Variants in AUH observed in about 807,000 individuals in gnomAD.
The protein encoded by AUH is AU RNA binding methylglutaconyl-CoA hydratase.
A neutral mutation model predicts 42.3 loss-of-function variants in AUH; 29 were observed. The ratio of observed to expected loss-of-function variants is 0.69; its 90% CI spans 0.51 to 0.93. The LOEUF is 0.93. Ranked by LOEUF, AUH falls within the 40% of genes least tolerant of loss-of-function variation. AUH has a pLI of 0.00. For missense variants in AUH, 452 were observed against 438.1 expected (o/e 1.03, Z -0.28); for synonymous variants, 174 against 166.4 (o/e 1.05, Z -0.35).
intron 7 of AUH, chr9:91,218,591 C>T (rs536233307): frequency 1.0e-6 from 1 of 983,368 alleles, no homozygotes; most frequent in African/African-American, 1.7e-5. Flanking sequence ...ACAGACCACA[C>T]TTTGGGAAGT....
chr9:91,249,292 CAAAAAAAAAAAA>C (rs59102669), intron 6 of AUH, among the ~76,000 whole-genome samples: 203 of 32,540 alleles, frequency 6.2e-3, no homozygotes, highest in Middle Eastern at 0.02. Flanking sequence ...GAACCTGTCT[CAAAAAAAAAAAA>C]AAAAAAAAAA....
chr9:91,348,721 A>C (rs1352539067), intron 3 of AUH, among the ~76,000 whole-genome samples: 1 of 152,200 alleles, frequency 6.6e-6, no homozygotes, highest in African/African-American at 2.4e-5. Flanking sequence ...AGCAGCAAGG[A>C]GATTAGTACT....
At chr9:91,328,251 T>A (rs2131880741) in intron 3 of AUH, among the ~76,000 whole-genome samples, 2 of 152,334 alleles carry the variant, frequency 1.3e-5, no homozygotes, top group East Asian at 3.9e-4. Flanking sequence ...TAGAGGTTCG[T>A]TCCCATCAGC....
intron 6 of AUH, among the ~76,000 whole-genome samples, chr9:91,276,468 C>A (rs74591398): frequency 0.043 from 6,433 of 150,834 alleles, 209 homozygotes; most frequent in Non-Finnish European, 0.058. Context: ...AATGTGAATT[C>A]TCAAAAATAT....
At chr9:91,280,851 C>G (rs910368331) in intron 6 of AUH, among the ~76,000 whole-genome samples, 8 of 152,122 alleles carry the variant, frequency 5.3e-5, no homozygotes, top group Non-Finnish European at 1.0e-4. Flanking sequence ...AGGTTTACAT[C>G]AAGGTTCTTT....
rs183584708 is a variant in AUH at position 91,315,267 on chromosome 9, C to A, written c.505+10051G>T. 9.9e-4 allele frequency among the ~76,000 whole-genome samples: 150 copies of A among 152,248 alleles called. 2 individuals are homozygous for A. The highest frequency in any genetic ancestry group is 6.0e-4 in the Non-Finnish European group (41 of 68,010). Reference sequence around the variant, plus strand: ...TGTTTCATCTTTTGACAGCAGAGGTCCCAAGACTCCACCCTCAGATCCTGC... The same window carrying A: ...TGTTTCATCTTTTGACAGCAGAGGTACCAAGACTCCACCCTCAGATCCTGC... On this transcript the variant is annotated intron_variant, in intron 4 of 9. Coordinates refer to ENST00000375731, the MANE Select transcript of AUH (RefSeq NM_001698.3).
Position 91,350,057 on chromosome 9 carries a change from T to G in AUH, c.418+5826A>C, listed in dbSNP as rs538316888. 9.2e-5 allele frequency among the ~76,000 whole-genome samples: 14 copies of G among 152,340 alleles called. No homozygotes were observed. In the South Asian group the frequency reaches 2.9e-3, roughly 32 times the overall value. On this transcript the variant is annotated intron_variant, in intron 3 of 9. Coordinates refer to ENST00000375731, the MANE Select transcript of AUH (RefSeq NM_001698.3). ...CAACAATATATTAAAATTTGGGGTA[T>G]AGCACACCATGTGAAAACACATTAT... is the stretch of plus-strand genomic sequence containing the variant.
chr9:91,236,993 G>A (rs1414597724), intron 6 of AUH, among the ~76,000 whole-genome samples: 1 of 152,120 alleles, frequency 6.6e-6, no homozygotes, highest in Non-Finnish European at 1.5e-5. Flanking sequence ...ATAATATTTA[G>A]CATTTTAAAC....
intron 6 of AUH, among the ~76,000 whole-genome samples, chr9:91,264,118 A>C (rs1829843724): frequency 6.6e-6 from 1 of 152,176 alleles, no homozygotes; most frequent in South Asian, 2.1e-4. Flanking sequence ...TATTATATAT[A>C]CACACACATA....
intron 3 of AUH, among the ~76,000 whole-genome samples, chr9:91,351,190 T>C (rs1831950710): frequency 6.6e-6 from 1 of 152,146 alleles, no homozygotes; most frequent in Non-Finnish European, 1.5e-5. Context: ...AGGCTGGTCT[T>C]GAACTCCTAG....
chr9:91,216,884 A>G (rs1037592278), intron 8 of AUH, among the ~76,000 whole-genome samples: 35 of 152,202 alleles, frequency 2.3e-4, no homozygotes, highest in African/African-American at 7.0e-4. Context: ...CTGAGAAGCT[A>G]AAGGTGGAAA....
At position 91,249,881 on chromosome 9, in the gene AUH, G is replaced by A. The variant is rs1186861821; in HGVS notation, c.656-28889C>T. Among the ~76,000 whole-genome samples, 5 of 151,954 alleles carry A rather than the reference G, an allele frequency of 3.3e-5. No individual in the cohort carries two copies. In the South Asian group the frequency reaches 6.2e-4, roughly 19 times the overall value. On this transcript the variant is annotated intron_variant, in intron 6 of 9. Transcript: ENST00000375731. ...AAAAAAATTAGCTGGGCACGGTGGT[G>A]CGTGCCTGTAGTCCCAGCTATTCAG... is the stretch of plus-strand genomic sequence containing the variant.
At position 91,355,912 on chromosome 9, in the gene AUH, C is replaced by T; in HGVS notation, c.389G>A (p.Arg130Lys). The change falls in exon 3 of 10, where the codon AGG (arginine) becomes AAG (lysine). Residue 130 changes from arginine to lysine, a missense_variant. Coordinates refer to ENST00000375731, the MANE Select transcript of AUH (RefSeq NM_001698.3). ...SDKKVRTIII[R>K]SEVPGIFCAG... ...ACAGAATATCCCTGGGACTTCACTC[C>T]TGATTATTATGGTCCGTACTTTCTT... 1 of 1,613,084 alleles carries T rather than the reference C, an allele frequency of 6.2e-7. No individual in the cohort carries two copies. The highest frequency in any genetic ancestry group is 8.5e-7 in the Non-Finnish European group (1 of 1,179,312).
At chr9:91,314,558 G>T (rs1355488473) in intron 4 of AUH, among the ~76,000 whole-genome samples, 3 of 150,138 alleles carry the variant, frequency 2.0e-5, no homozygotes, top group Non-Finnish European at 3.0e-5. Context: ...GTAAAATCTT[G>T]GCTTCCCTTG....
At chr9:91,316,959 T>C (rs890631200) in intron 4 of AUH, among the ~76,000 whole-genome samples, 2 of 152,222 alleles carry the variant, frequency 1.3e-5, no homozygotes, top group South Asian at 2.1e-4. Flanking sequence ...GTTAAGATCA[T>C]TGAAGTTTTA....
At position 91,353,820 on chromosome 9, in the gene AUH, C is replaced by CAA. The variant is rs56842895; in HGVS notation, c.418+2061_418+2062dup. ...TGGGTGACAGAGCAAGACTCCGTCT[C>CAA]AAAAAAAAAAAAAAAAAAAAAAAAA... On this transcript the variant is annotated intron_variant, in intron 3 of 9. Coordinates refer to ENST00000375731, the MANE Select transcript of AUH (RefSeq NM_001698.3). Among the ~76,000 whole-genome samples the CAA allele has an allele frequency of 2.2e-3, 62 of 27,636 alleles. 4 individuals are homozygous for CAA. Among genetic ancestry groups the CAA allele is most frequent in the Admixed American group, 3.1e-3 (7 of 2,260 alleles). The allele number at this position is 27,636 out of a possible 152,430, so 18.1% of individuals were successfully genotyped here. A position where few individuals can be genotyped will look rare whatever the true frequency, so the allele number is the denominator to read the frequency against.
intron 3 of AUH, among the ~76,000 whole-genome samples, chr9:91,351,440 C>T (rs927324228): frequency 1.3e-5 from 2 of 152,202 alleles, no homozygotes; most frequent in Non-Finnish European, 2.9e-5. Flanking sequence ...ATCTACTTAA[C>T]ATTCTAATGA....
At chr9:91,221,022 T>C (rs1827106128) in intron 6 of AUH, 30 bp from the exon 7 acceptor site, 1 of 1,609,760 alleles carries the variant, frequency 6.2e-7, no homozygotes, top group Non-Finnish European at 8.5e-7. Context: ...GAAAAGGCAA[T>C]GATTTGACAC....
At chr9:91,333,331 G>A (rs1009019960) in intron 3 of AUH, among the ~76,000 whole-genome samples, 3 of 147,464 alleles carry the variant, frequency 2.0e-5, no homozygotes, top group Admixed American at 6.7e-5. Context: ...TATTTTATTT[G>A]TCATTCTGTC....
Sources: gnomAD v4.1 joint callset for allele counts (sites outside exome capture counted in the v4.1 genomes callset) on GRCh38, gnomAD v4.1.1 for gene constraint, MANE v1.5 for transcripts, NCBI Gene and HGNC (gene_info 2026-07-23, HGNC 2026-07-21) for gene names.